Variants in KIAA0513 observed in about 807,000 individuals in gnomAD.
KIAA0513 encodes the protein KIAA0513.
A neutral mutation model predicts 56.5 loss-of-function variants in KIAA0513; 39 were observed. That is an observed-to-expected ratio of 0.69 (90% confidence interval 0.53 to 0.90). KIAA0513 has a LOEUF of 0.90. Ranked by LOEUF, KIAA0513 falls within the 40% of genes least tolerant of loss-of-function variation. The pLI is 0.00. For missense variants in KIAA0513, 591 were observed against 535.2 expected, an observed-to-expected ratio of 1.10 and a Z score of -1.03; for synonymous variants, 268 against 215.6, an observed-to-expected ratio of 1.24 and a Z score of -2.13.
At chr16:85,085,416 C>T (rs1290546254) in intron 10 of KIAA0513, among the ~76,000 whole-genome samples, 3 of 152,240 alleles carry the variant, frequency 2.0e-5, no homozygotes, top group African/African-American at 7.2e-5. Flanking sequence ...GTTTCTCTTC[C>T]TCTGGCTTCT....
chr16:85,059,392 G>A (rs542705630), intron 1 of KIAA0513, among the ~76,000 whole-genome samples: 53 of 152,346 alleles, frequency 3.5e-4, no homozygotes, highest in African/African-American at 1.2e-3. Context: ...TCAGCCCCTT[G>A]AGCTGTGCCT....
At chr16:85,087,824 G>A (rs2073826985) in intron 12 of KIAA0513, among the ~76,000 whole-genome samples, 1 of 152,232 alleles carries the variant, frequency 6.6e-6, no homozygotes, top group African/African-American at 2.4e-5. Context: ...GGCCTCAGGA[G>A]GCATGAGAGT....
intron 1 of KIAA0513, among the ~76,000 whole-genome samples, chr16:85,057,838 G>A (rs1471244030): frequency 2.0e-5 from 3 of 150,814 alleles, no homozygotes; most frequent in African/African-American, 7.4e-5. Context: ...TTTCAAGCCA[G>A]CACCTGTGAG....
In KIAA0513 at chr16:85,088,513, A is replaced by C; in HGVS notation, c.*188A>C. On this transcript the variant is annotated 3_prime_UTR_variant, in exon 13 of 13. Transcript: ENST00000683363. ...CTCATCTCCTCTGCCTGTGTCTGCG[A>C]CCCCCATCCATGTGCCAAAGTGTCC... 1 of 578,408 alleles carries C rather than the reference A, an allele frequency of 1.7e-6. No individual in the cohort carries two copies. Among genetic ancestry groups the C allele is most frequent in the Non-Finnish European group, 3.1e-6 (1 of 322,854 alleles). 35.8% of individuals were successfully genotyped at this position (578,408 alleles called of 1,614,324 possible).
chr16:85,078,073 G>C (rs923003691), intron 6 of KIAA0513, among the ~76,000 whole-genome samples: 1 of 152,162 alleles, frequency 6.6e-6, no homozygotes, highest in African/African-American at 2.4e-5. Context: ...ACGCGTAGAA[G>C]CTAAGACTTC....
chr16:85,085,173 G>A (rs886344176), intron 10 of KIAA0513, among the ~76,000 whole-genome samples: 5 of 152,188 alleles, frequency 3.3e-5, no homozygotes, highest in African/African-American at 4.8e-5. Context: ...TGGCTGTTTC[G>A]GGGAAAGACA....
At chr16:85,032,784 C>T (rs989380693) in intron 1 of KIAA0513, among the ~76,000 whole-genome samples, 3 of 152,142 alleles carry the variant, frequency 2.0e-5, no homozygotes, top group Admixed American at 6.5e-5. Context: ...GTGCCTGCCA[C>T]CACTCCCGGC....
chr16:85,047,982 C>T (rs3803638), intron 1 of KIAA0513, among the ~76,000 whole-genome samples: 9,627 of 152,126 alleles, frequency 0.063, 290 homozygotes, highest in African/African-American at 0.07. Flanking sequence ...GGAAGGGTGG[C>T]GGGGGTGGTG....
rs998307699 is a variant in KIAA0513 at position 85,039,861 on chromosome 16, C to T, written c.-173+12003C>T. 1.5e-3 allele frequency among the ~76,000 whole-genome samples: 226 copies of T among 148,974 alleles called. 1 individual carries two copies. The highest frequency in any genetic ancestry group is 5.3e-3 in the African/African-American group (214 of 40,424). ...CTTTTCTTTTTTTTTTTTGAGGTGG[C>T]TCTCACTCTGTCACCCAGGCTGGAG... On this transcript the variant is annotated intron_variant, in intron 1 of 12. Coordinates refer to ENST00000683363, the MANE Select transcript of KIAA0513 (RefSeq NM_001388359.1).
rs1397573140 is a variant in KIAA0513, at chr16:85,067,307, C to T, written c.236C>T (p.Ser79Phe). The T allele has an allele frequency of 6.2e-7, 1 of 1,612,060 alleles. No individual in the cohort carries two copies. The highest frequency in any genetic ancestry group is 1.7e-5 in the Admixed American group (1 of 59,938). Reference protein sequence around the residue: ...DRRSSSNESFSSNQSTESTQD... With the variant: ...DRRSSSNESFFSNQSTESTQD... The stretch of plus-strand genomic sequence containing the variant: ...CGTTCCTCCTCCAACGAGTCCTTCT[C>T]CTCCAACCAGAGCACCGAGTCTACC... Residue 79 changes from serine (S) to phenylalanine (F), a missense_variant, in exon 2 of 13, where the codon TCC becomes TTC. Transcript: ENST00000683363.
chr16:85,068,315 C>G (rs1189804046), intron 2 of KIAA0513, among the ~76,000 whole-genome samples: 1 of 151,880 alleles, frequency 6.6e-6, no homozygotes, highest in Non-Finnish European at 1.5e-5. Flanking sequence ...CACCACCACG[C>G]CTGGCTAATT....
At chr16:85,060,843 A>T (rs1391470875) in intron 1 of KIAA0513, among the ~76,000 whole-genome samples, 2 of 117,410 alleles carry the variant, frequency 1.7e-5, no homozygotes, top group African/African-American at 1.0e-4. Context: ...GAACCTATCT[A>T]AAAAAAAAAA....
intron 1 of KIAA0513, among the ~76,000 whole-genome samples, chr16:85,052,142 A>T (rs1274185649): frequency 6.6e-6 from 1 of 152,100 alleles, no homozygotes; most frequent in Non-Finnish European, 1.5e-5. Context: ...CAACATGGTG[A>T]AACCCCGTCT....
chr16:85,084,105 AG>A (rs1454816399), intron 10 of KIAA0513, among the ~76,000 whole-genome samples: 1 of 131,886 alleles, frequency 7.6e-6, no homozygotes, highest in East Asian at 2.2e-4. Flanking sequence ...TCTGTTGCCC[AG>A]GCTGGAGTGC....
intron 1 of KIAA0513, among the ~76,000 whole-genome samples, chr16:85,059,588 C>T (rs1289309372): frequency 1.3e-5 from 2 of 152,240 alleles, no homozygotes; most frequent in Non-Finnish European, 2.9e-5. Flanking sequence ...TCTCCAGCCC[C>T]ACGTTTCTCA....
chr16:85,087,723 A>G (rs2073825886), intron 12 of KIAA0513, among the ~76,000 whole-genome samples: 1 of 152,134 alleles, frequency 6.6e-6, no homozygotes, highest in East Asian at 1.9e-4. Flanking sequence ...TCTTCATCGA[A>G]AAGGACTTAC....
At chr16:85,079,332 C>A (rs570245597) in intron 8 of KIAA0513, 2 of 315,870 alleles carry the variant, frequency 6.3e-6, no homozygotes, top group Admixed American at 8.7e-5. Flanking sequence ...CCTCACAAAA[C>A]CTTGTACACA....
At chr16:85,077,328 T>G in intron 5 of KIAA0513, 97 bp from the exon 6 acceptor site, 2 of 1,158,838 alleles carry the variant, frequency 1.7e-6, no homozygotes, top group Non-Finnish European at 2.5e-6. Flanking sequence ...GTATCCCCAC[T>G]GCACAGGACC....
At chr16:85,073,391 T>C (rs1311089297) in intron 4 of KIAA0513, among the ~76,000 whole-genome samples, 2 of 152,164 alleles carry the variant, frequency 1.3e-5, no homozygotes, top group Non-Finnish European at 2.9e-5. Flanking sequence ...CTTAATGATA[T>C]GTTGGGAGGA....
Sources: gnomAD v4.1 joint callset for allele counts (sites outside exome capture counted in the v4.1 genomes callset) on GRCh38, gnomAD v4.1.1 for gene constraint, MANE v1.5 for transcripts, NCBI Gene and HGNC (gene_info 2026-07-23, HGNC 2026-07-21) for gene names.